The following LINGO2 variants were observed in gnomAD, a reference collection of about 807,000 sequenced individuals.
The protein encoded by LINGO2 is leucine rich repeat and Ig domain containing 2, also known as leucine-rich repeat and immunoglobulin-like domain-containing nogo receptor-interacting protein 2.
LINGO2 carries 14 observed loss-of-function variants against 30.6 expected under a neutral mutation model. The ratio of observed to expected loss-of-function variants is 0.46; its 90% confidence interval spans 0.30 to 0.72. LINGO2 has a LOEUF of 0.72. LINGO2 is among the 30% of genes least tolerant of loss of function. The pLI is 0.07. For synonymous variants in LINGO2, 317 were observed against 288.5 expected (o/e 1.10, Z -1.00); for missense variants, 729 against 751.7 (o/e 0.97, Z 0.35).
chr9:28,671,840 TAGAAGATTGGAACATAA>T (rs1397315358), upstream of LINGO2, among the ~76,000 whole-genome samples: 1 of 152,004 alleles, frequency 6.6e-6, no homozygotes, highest in African/African-American at 2.4e-5. Context: ...AAGGCACATA[TAGAAGATTGGAACATAA>T]AGACATGAGC....
the LINGO2 span, among the ~76,000 whole-genome samples, chr9:29,022,135 A>G: frequency 2.6e-5 from 4 of 152,180 alleles, no homozygotes; most frequent in Non-Finnish European, 5.9e-5. Flanking sequence ...CTCACATGAC[A>G]ATGTTTCTGA....
At chr9:29,124,977 C>T in the LINGO2 span, among the ~76,000 whole-genome samples, 5 of 152,202 alleles carry the variant, frequency 3.3e-5, no homozygotes, top group East Asian at 9.7e-4. Flanking sequence ...TTTATTGCAG[C>T]AGTATGTACA....
chr9:28,780,852 G>GTGTGT, the LINGO2 span, among the ~76,000 whole-genome samples: 3 of 151,376 alleles, frequency 2.0e-5, no homozygotes, highest in Non-Finnish European at 4.4e-5. Context: ...GTGTGTGTGT[G>GTGTGT]TGTGTGTGTG....
the LINGO2 span, among the ~76,000 whole-genome samples, chr9:29,147,211 A>T: frequency 6.6e-6 from 1 of 152,162 alleles, no homozygotes; most frequent in Admixed American, 6.5e-5. Context: ...AAAATAAATG[A>T]AGATGACAGA....
chr9:28,900,404 T>G, the LINGO2 span, among the ~76,000 whole-genome samples: 26 of 152,216 alleles, frequency 1.7e-4, 1 homozygote, highest in African/African-American at 5.8e-4. Flanking sequence ...CCCACAGAAG[T>G]TCCTGTGGAC....
At chr9:28,159,866 C>T (rs189893817) in intron 4 of LINGO2, among the ~76,000 whole-genome samples, 1 of 152,188 alleles carries the variant, frequency 6.6e-6, no homozygotes, top group Non-Finnish European at 1.5e-5. Flanking sequence ...ATAAGGCAAC[C>T]TATTACCCAC....
chr9:28,345,069 G>A (rs372885098), intron 3 of LINGO2, among the ~76,000 whole-genome samples: 48 of 151,766 alleles, frequency 3.2e-4, no homozygotes, highest in African/African-American at 9.7e-4. Flanking sequence ...TGTGAAGCTC[G>A]GCTTTTAGTG....
At chr9:28,667,205 T>C (rs62550187) in intron 1 of LINGO2, among the ~76,000 whole-genome samples, 10,391 of 152,230 alleles carry the variant, frequency 0.068, 525 homozygotes, top group Admixed American at 0.18. Flanking sequence ...TCTGTTTATA[T>C]AGAAATTGTA....
At chr9:28,690,209 A>C in the LINGO2 span, among the ~76,000 whole-genome samples, 8 of 152,112 alleles carry the variant, frequency 5.3e-5, no homozygotes, top group Non-Finnish European at 1.0e-4. Context: ...GTACATCTGC[A>C]CATGTACCCC....
the LINGO2 span, among the ~76,000 whole-genome samples, chr9:29,117,433 C>T: frequency 1.3e-5 from 2 of 152,182 alleles, no homozygotes; most frequent in African/African-American, 4.8e-5. Context: ...AATGTTAAGT[C>T]AGCTTCAGTG....
At chr9:28,179,790 A>G (rs1164901831) in intron 4 of LINGO2, among the ~76,000 whole-genome samples, 1 of 150,822 alleles carries the variant, frequency 6.6e-6, no homozygotes, top group Non-Finnish European at 1.5e-5. Context: ...GCAACATGTT[A>G]CTCATTTTGT....
intron 2 of LINGO2, among the ~76,000 whole-genome samples, chr9:28,393,637 G>A (rs150484019): frequency 6.6e-6 from 1 of 152,276 alleles, no homozygotes; most frequent in African/African-American, 2.4e-5. Flanking sequence ...GATAAATAGC[G>A]ATGGAGTGGA....
At chr9:28,801,864 T>C in the LINGO2 span, among the ~76,000 whole-genome samples, 1 of 152,058 alleles carries the variant, frequency 6.6e-6, no homozygotes, top group Non-Finnish European at 1.5e-5. Flanking sequence ...ACACAGAATA[T>C]GTATTAATTT....
At chr9:28,971,160 G>GA in the LINGO2 span, among the ~76,000 whole-genome samples, 2 of 152,118 alleles carry the variant, frequency 1.3e-5, no homozygotes, top group Non-Finnish European at 2.9e-5. Context: ...GCCTTAAAGG[G>GA]AAAAAACCCA....
chr9:28,107,317 C>A (rs1048946001), intron 4 of LINGO2, among the ~76,000 whole-genome samples: 1 of 152,066 alleles, frequency 6.6e-6, no homozygotes, highest in African/African-American at 2.4e-5. Context: ...GTAAAATGTA[C>A]AAAAATATTG....
At chr9:28,287,726 G>A (rs1170362646) in intron 4 of LINGO2, among the ~76,000 whole-genome samples, 1 of 152,094 alleles carries the variant, frequency 6.6e-6, no homozygotes, top group Admixed American at 6.5e-5. Flanking sequence ...GTTAATTGAA[G>A]CATAAATTTC....
the LINGO2 span, among the ~76,000 whole-genome samples, chr9:28,885,667 G>A: frequency 6.6e-6 from 1 of 152,038 alleles, no homozygotes; most frequent in East Asian, 1.9e-4. Context: ...AAGAACTGGT[G>A]CTATTATGGA....
At chr9:28,255,195 C>G (rs927643973) in intron 4 of LINGO2, among the ~76,000 whole-genome samples, 1 of 151,936 alleles carries the variant, frequency 6.6e-6, no homozygotes, top group Admixed American at 6.6e-5. Flanking sequence ...CTCCCTCTCT[C>G]GCTCTCTCTC....
At chr9:27,943,321 A>C (rs1253613453), downstream of LINGO2, 1 of 152,112 alleles carries the variant, frequency 6.6e-6, no homozygotes, top group Non-Finnish European at 1.5e-5. Context: ...ATAGTTAAGC[A>C]ATTTAGTAAA....
Sources: allele counts gnomAD v4.1 joint callset (sites outside exome capture counted in the v4.1 genomes callset), GRCh38; gene constraint gnomAD v4.1.1; transcripts MANE v1.5; gene names NCBI Gene and HGNC (gene_info 2026-07-23, HGNC 2026-07-21).